The following TRIM22 variants were observed in gnomAD, a reference collection of about 807,000 sequenced individuals.
TRIM22 encodes the protein E3 ubiquitin-protein ligase TRIM22.
TRIM22 carries 45 observed loss-of-function variants against 53.6 expected under a neutral mutation model. The observed-to-expected ratio is 0.84, with a 90% CI of 0.66 to 1.08. The LOEUF (loss-of-function observed/expected upper bound fraction) is 1.08. Among genes scored for constraint, TRIM22 ranks in the 50% least tolerant of loss-of-function variants. The pLI, the probability that TRIM22 is intolerant of heterozygous loss-of-function variation, is 0.00. For synonymous variants in TRIM22, 225 were observed against 216.6 expected (o/e 1.04, Z -0.34); for missense variants, 616 against 590.9 (o/e 1.04, Z -0.44).
intron 4 of TRIM22, among the ~76,000 whole-genome samples, chr11:5,702,389 T>C (rs1853388597): frequency 1.4e-5 from 2 of 146,420 alleles, no homozygotes; most frequent in African/African-American, 2.5e-5. Flanking sequence ...AAAACAAACA[T>C]ACAAATATAT....
intron 4 of TRIM22, among the ~76,000 whole-genome samples, chr11:5,703,161 T>C (rs558774322): frequency 2.0e-5 from 3 of 152,198 alleles, no homozygotes; most frequent in Non-Finnish European, 4.4e-5. Flanking sequence ...GTAATGAGCA[T>C]ATTACCCAAT....
chr11:5,708,370 G>A, intron 6 of TRIM22, 97 bp downstream of exon 6: 1 of 1,178,842 alleles, frequency 8.5e-7, no homozygotes. Context: ...TATAGGAGAG[G>A]AGGTGGGCCA....
At chr11:5,696,081 A>T in intron 1 of TRIM22, 86 bp from the exon 2 acceptor site, 4 of 594,812 alleles carry the variant, frequency 6.7e-6, no homozygotes, top group Non-Finnish European at 1.1e-5. Flanking sequence ...GTTAAATATT[A>T]ATGTTTTGTC....
chr11:5,705,892 T>C (rs183250540), intron 4 of TRIM22, among the ~76,000 whole-genome samples: 1 of 152,262 alleles, frequency 6.6e-6, no homozygotes, highest in East Asian at 1.9e-4. Context: ...GAAAAATGTA[T>C]GAGATCACCT....
Position 5,698,433 on chromosome 11 carries a change from T to C in TRIM22, c.638T>C (p.Leu213Pro), listed in dbSNP as rs778675673. The C allele has an allele frequency of 7.0e-5, 113 of 1,614,058 alleles. No homozygotes were observed. The highest frequency in any genetic ancestry group is 8.1e-5 in the Non-Finnish European group (96 of 1,180,030). The change falls in exon 4 of 8, where the codon CTG (leucine) becomes CCG (proline). Residue 213 changes from leucine to proline, a missense_variant. By Grantham distance (98) the Leu-to-Pro change is moderately conservative. Coordinates refer to ENST00000379965, the MANE Select transcript of TRIM22 (RefSeq NM_006074.5). ...QKLEEGEVNV[L>P]DNLAAATDQL... ...CTGGAGGAAGGTGAGGTGAATGTGC[T>C]GGATAACCTGGCAGCAGCTACAGAC...
chr11:5,698,139 G>C (rs545824210), intron 3 of TRIM22, 176 bp from the exon 4 acceptor site: 1 of 594,348 alleles, frequency 1.7e-6, no homozygotes, highest in East Asian at 2.9e-5. Context: ...TTTGGGAGGA[G>C]CTCAGGTTAA....
chr11:5,699,365 A>T (rs908820133), intron 4 of TRIM22, among the ~76,000 whole-genome samples: 1 of 142,668 alleles, frequency 7.0e-6, no homozygotes, highest in African/African-American at 2.8e-5. Flanking sequence ...TCTACTAAAA[A>T]TACAAAAAAT....
chr11:5,709,551 A>G lies in TRIM22; in HGVS notation c.1400A>G (p.Tyr467Cys). The G allele has an allele frequency of 6.2e-7, 1 of 1,613,994 alleles. No homozygotes were observed. Among genetic ancestry groups the G allele is most frequent in the East Asian group, 2.2e-5 (1 of 44,874 alleles). The change falls in exon 8 of 8, where the codon TAC becomes TGC. Residue 467 changes from tyrosine (Y) to cysteine (C), a missense_variant. Physicochemically the swap from Tyr to Cys is radical, Grantham distance 194 (BLOSUM62 -2). Coordinates refer to ENST00000379965, the MANE Select transcript of TRIM22 (RefSeq NM_006074.5). ...FNVTNHGALI[Y>C]KFSGCRFSRP... ...GTCACAAACCACGGAGCACTCATCT[A>G]CAAGTTCTCTGGATGTCGCTTTTCT...
rs769072199 is a variant in TRIM22, at chr11:5,698,519, A to AG, written c.728dup (p.Ser244IlefsTer11). 2 of 1,613,762 alleles carry AG rather than the reference A, an allele frequency of 1.2e-6. No individual in the cohort carries two copies. The highest frequency in any genetic ancestry group is 3.3e-5 in the Admixed American group (2 of 59,994). ...CATCTCAGATCTCCAGCGGAGGTTGAGGGGATCGTCAGTAGAGATGCTGCA... is the reference window on the plus strand; with the variant it reads ...CATCTCAGATCTCCAGCGGAGGTTGAGGGGGATCGTCAGTAGAGATGCTGCA... On this transcript the variant is annotated frameshift_variant, in exon 4 of 8. Coordinates refer to ENST00000379965, the MANE Select transcript of TRIM22 (RefSeq NM_006074.5). LOFTEE classifies it high-confidence loss of function.
chr11:5,691,176 G>A (rs1338625747), intron 1 of TRIM22: 1 of 152,276 alleles, frequency 6.6e-6, no homozygotes, highest in Non-Finnish European at 1.5e-5. Flanking sequence ...CAGACACCGA[G>A]GTAAAGAAGG....
In TRIM22 at chr11:5,698,418, G is replaced by A. The variant is rs753734234; in HGVS notation, c.623G>A (p.Gly208Asp). ...EQRELQKLEE[G>D]EVNVLDNLAA... ...AGAGAGCTGCAAAAGCTGGAGGAAG[G>A]TGAGGTGAATGTGCTGGATAACCTG... Residue 208 changes from glycine (G) to aspartate (D), a missense_variant, in exon 4 of 8, where the codon GGT (glycine) becomes GAT (aspartate). Transcript: ENST00000379965. The A allele has an allele frequency of 1.2e-6, 2 of 1,614,092 alleles. No homozygotes were observed. The highest frequency in any genetic ancestry group is 1.7e-5 in the Admixed American group (1 of 60,006).
rs1226352310 is a variant in TRIM22 at position 5,699,518 on chromosome 11, G to A, written c.750+973G>A. ...CGCAGTCCGGCCTGGGCGACAGAGC[G>A]AGACTCCGTCTCAAAAAAAAAAAAA... On this transcript the variant is annotated intron_variant, in intron 4 of 7. Coordinates refer to ENST00000379965, the MANE Select transcript of TRIM22 (RefSeq NM_006074.5). 2.0e-4 allele frequency among the ~76,000 whole-genome samples: 17 copies of A among 86,616 alleles called. 1 individual carries two copies. The highest frequency in any genetic ancestry group is 4.8e-4 in the African/African-American group (8 of 16,706). 56.8% of individuals were successfully genotyped at this position (86,616 alleles called of 152,430 possible). A position where few individuals can be genotyped will look rare whatever the true frequency, so the allele number is the denominator to read the frequency against.
In TRIM22 at chr11:5,710,814, T is replaced by C. The variant is rs982853523; in HGVS notation, c.*1166T>C. On this transcript the variant is annotated 3_prime_UTR_variant, in exon 8 of 8. Transcript: ENST00000379965. ...TTCAATGTCTTGGGAAACAATTTTTTGTTTTTGTTCTGTTTTCTTTTTGCT... is the reference window on the plus strand; with the variant it reads ...TTCAATGTCTTGGGAAACAATTTTTCGTTTTTGTTCTGTTTTCTTTTTGCT... 8 of 152,208 alleles carry C rather than the reference T, an allele frequency of 5.3e-5. No homozygotes were observed. Among genetic ancestry groups the C allele is most frequent in the African/African-American group, 1.9e-4 (8 of 41,462 alleles). 9.4% of individuals were successfully genotyped at this position (152,208 alleles called of 1,614,324 possible). A position where few individuals can be genotyped will look rare whatever the true frequency, so the allele number is the denominator to read the frequency against.
Position 5,696,542 on chromosome 11 carries a change from C to A in TRIM22, c.310C>A (p.Leu104Ile), listed in dbSNP as rs371543745. 6.2e-7 allele frequency: 1 copy of A among 1,614,228 alleles called. No homozygotes were observed. Among genetic ancestry groups the A allele is most frequent in the Middle Eastern group, 1.6e-4 (1 of 6,062 alleles). ...RDVCEHHGKK[L>I]QIFCKEDGKV... ...TGTCTGTGAGCACCATGGAAAAAAA[C>A]TCCAGATCTTCTGTAAGGAGGATGG... Residue 104 changes from leucine (L) to isoleucine (I), a missense_variant, in exon 2 of 8, where the codon CTC becomes ATC. Leu to Ile is a conservative substitution (Grantham distance 5). Transcript: ENST00000379965.
intron 4 of TRIM22, among the ~76,000 whole-genome samples, chr11:5,700,652 T>TGA (rs1414130252): frequency 6.6e-6 from 1 of 150,996 alleles, no homozygotes; most frequent in Non-Finnish European, 1.5e-5. Flanking sequence ...TTCTTTTTTT[T>TGA]GAGACGCAGT....
At position 5,708,649 on chromosome 11, in the gene TRIM22, G is replaced by A. The variant is rs1853503166; in HGVS notation, c.901+46G>A. On this transcript the variant is annotated intron_variant, in intron 7 of 7. Coordinates refer to ENST00000379965, the MANE Select transcript of TRIM22 (RefSeq NM_006074.5). Reference sequence around the variant, plus strand: ...CAAATCACTTCCTTTCAGAATTGTGGTTACTATTAGATCTCATAATCTGAG... The same window carrying A: ...CAAATCACTTCCTTTCAGAATTGTGATTACTATTAGATCTCATAATCTGAG... 3 of 1,560,892 alleles carry A rather than the reference G, an allele frequency of 1.9e-6. No individual in the cohort carries two copies. In the South Asian group the frequency reaches 3.4e-5, roughly 18 times the overall value.
chr11:5,702,287 A>G (rs1853386964), intron 4 of TRIM22, among the ~76,000 whole-genome samples: 1 of 145,714 alleles, frequency 6.9e-6, no homozygotes, highest in Admixed American at 6.9e-5. Context: ...GCCTAAAGGT[A>G]TATATATAAA....
At chr11:5,708,435 C>A in intron 6 of TRIM22, 142 bp from the exon 7 acceptor site, 2 of 985,766 alleles carry the variant, frequency 2.0e-6, no homozygotes, top group Non-Finnish European at 3.0e-6. Flanking sequence ...GGGGAATGAC[C>A]AGGTGTCTGA....
chr11:5,707,804 C>T (rs1164029319), intron 5 of TRIM22, among the ~76,000 whole-genome samples: 1 of 148,022 alleles, frequency 6.8e-6, no homozygotes, highest in Non-Finnish European at 1.5e-5. Flanking sequence ...AGAGTGAGAC[C>T]CCATCTCAAA....
Sources: gnomAD v4.1 joint callset for allele counts (sites outside exome capture counted in the v4.1 genomes callset) on GRCh38, gnomAD v4.1.1 for gene constraint, MANE v1.5 for transcripts, NCBI Gene and HGNC (gene_info 2026-07-23, HGNC 2026-07-21) for gene names.